The following PCSK2 variants were observed in gnomAD, a reference collection of about 807,000 sequenced individuals.
PCSK2 encodes the protein proprotein convertase subtilisin/kexin type 2, also known as neuroendocrine convertase 2.
PCSK2 carries 14 observed loss-of-function variants against 69.7 expected under a neutral mutation model. The ratio of observed to expected loss-of-function variants is 0.20; its 90% CI spans 0.13 to 0.31. The LOEUF (loss-of-function observed/expected upper bound fraction) is 0.31. Ranked by LOEUF, PCSK2 falls within the 10% of genes least tolerant of loss-of-function variation. The pLI is 1.00. For missense variants in PCSK2, 544 were observed against 842.5 expected, an observed-to-expected ratio of 0.65 and a Z score of 4.39; for synonymous variants, 307 against 320.7, an observed-to-expected ratio of 0.96 and a Z score of 0.46.
intron 1 of PCSK2, among the ~76,000 whole-genome samples, chr20:17,240,886 T>A (rs1399849543): frequency 3.3e-5 from 5 of 152,176 alleles, no homozygotes; most frequent in Non-Finnish European, 7.3e-5. Flanking sequence ...CTGGTTCAAT[T>A]GTATCAACAA....
intron 2 of PCSK2, among the ~76,000 whole-genome samples, chr20:17,319,700 A>G (rs1032222972): frequency 6.6e-6 from 1 of 152,198 alleles, no homozygotes; most frequent in Non-Finnish European, 1.5e-5. Flanking sequence ...GTATAAATCA[A>G]GGACGTTACT....
At chr20:17,410,827 G>A (rs2031855029) in intron 6 of PCSK2, among the ~76,000 whole-genome samples, 1 of 152,248 alleles carries the variant, frequency 6.6e-6, no homozygotes, top group Admixed American at 6.5e-5. Context: ...CCAGGGCACA[G>A]TGCTGAGAAG....
At chr20:17,239,329 T>C (rs983789475) in intron 1 of PCSK2, among the ~76,000 whole-genome samples, 3 of 152,228 alleles carry the variant, frequency 2.0e-5, no homozygotes, top group African/African-American at 7.2e-5. Context: ...CAGCTGACTA[T>C]GTTTCTAGGA....
chr20:17,329,716 C>T (rs1990162808), intron 2 of PCSK2, among the ~76,000 whole-genome samples: 1 of 152,210 alleles, frequency 6.6e-6, no homozygotes, highest in African/African-American at 2.4e-5. Flanking sequence ...CAAAGCGAAG[C>T]ATATTTGCAT....
intron 8 of PCSK2, among the ~76,000 whole-genome samples, chr20:17,438,263 TTTAAG>T: frequency 6.6e-6 from 1 of 152,354 alleles, no homozygotes. Context: ...CACATACACA[TTTAAG>T]TTATGTACAG....
chr20:17,369,943 T>A (rs932638874), intron 5 of PCSK2, among the ~76,000 whole-genome samples: 1 of 152,304 alleles, frequency 6.6e-6, no homozygotes, highest in Middle Eastern at 3.4e-3. Context: ...CCCATAACAT[T>A]GAGAATTACT....
chr20:17,302,919 A>T (rs1209327729), intron 2 of PCSK2, among the ~76,000 whole-genome samples: 1 of 152,074 alleles, frequency 6.6e-6, no homozygotes, highest in East Asian at 1.9e-4. Context: ...TATATTTAAT[A>T]TTACCCTTTT....
chr20:17,238,724 TGGTTTGTTTTTTTACCATTTTACCC>T (rs1986436946), intron 1 of PCSK2, among the ~76,000 whole-genome samples: 1 of 152,190 alleles, frequency 6.6e-6, no homozygotes, highest in Admixed American at 6.5e-5. Flanking sequence ...TGTGCTTTTT[TGGTTTGTTTTTTTACCATTTTACCC>T]GTAGAATTTT....
intron 11 of PCSK2, among the ~76,000 whole-genome samples, 167 bp from the exon 12 acceptor site, chr20:17,481,417 G>GAA (rs2033399638): frequency 8.7e-6 from 1 of 114,946 alleles, no homozygotes; most frequent in African/African-American, 3.7e-5. Flanking sequence ...AAAAAAAAGA[G>GAA]ATAAGTAACT....
chr20:17,318,611 T>C (rs1405862924), intron 2 of PCSK2, among the ~76,000 whole-genome samples: 10 of 152,234 alleles, frequency 6.6e-5, no homozygotes, highest in Non-Finnish European at 1.5e-4. Flanking sequence ...AGTATGTTTG[T>C]CATTTTCCAA....
At chr20:17,449,501 A>G (rs58226667) in intron 8 of PCSK2, among the ~76,000 whole-genome samples, 1 of 72,970 alleles carries the variant, frequency 1.4e-5, no homozygotes, top group Admixed American at 1.2e-4. Flanking sequence ...CATATATATA[A>G]ATATACATAT....
chr20:17,361,310 T>A (rs1485389269), intron 4 of PCSK2, among the ~76,000 whole-genome samples: 1 of 152,232 alleles, frequency 6.6e-6, no homozygotes, highest in Non-Finnish European at 1.5e-5. Flanking sequence ...ATCCCTTACA[T>A]GTTATTCAAC....
chr20:17,311,230 TG>T (rs1219238109), intron 2 of PCSK2, among the ~76,000 whole-genome samples: 2 of 152,134 alleles, frequency 1.3e-5, no homozygotes, highest in African/African-American at 4.8e-5. Flanking sequence ...TATTCTGCAT[TG>T]TAGTAGATTT....
chr20:17,406,500 C>A (rs2031753281), intron 5 of PCSK2, among the ~76,000 whole-genome samples: 1 of 152,190 alleles, frequency 6.6e-6, no homozygotes, highest in Non-Finnish European at 1.5e-5. Flanking sequence ...TGACCCCAGA[C>A]AATACAAGGT....
chr20:17,269,595 A>G (rs1161793714), intron 2 of PCSK2, among the ~76,000 whole-genome samples: 1 of 152,186 alleles, frequency 6.6e-6, no homozygotes, highest in Non-Finnish European at 1.5e-5. Flanking sequence ...ATGAAATTAA[A>G]GGATACTGAT....
At chr20:17,249,747 C>A (rs1221422561) in intron 1 of PCSK2, among the ~76,000 whole-genome samples, 1 of 152,102 alleles carries the variant, frequency 6.6e-6, no homozygotes, top group African/African-American at 2.4e-5. Context: ...CAGGCACCAA[C>A]AGTCAAATAC....
At chr20:17,464,537 G>A (rs1164127536) in intron 10 of PCSK2, 4 of 152,200 alleles carry the variant, frequency 2.6e-5, no homozygotes, top group Non-Finnish European at 1.5e-5. Flanking sequence ...CCAGCACTCA[G>A]AAGCTCCCTG....
At chr20:17,456,226 G>A in intron 9 of PCSK2, 122 bp from the exon 10 acceptor site, 1 of 659,088 alleles carries the variant, frequency 1.5e-6, no homozygotes, top group Non-Finnish European at 2.7e-6. Flanking sequence ...GGGCAACAGA[G>A]TGAGGCTGTC....
chr20:17,408,764 G>A (rs184233184), intron 5 of PCSK2, among the ~76,000 whole-genome samples: 2 of 152,300 alleles, frequency 1.3e-5, no homozygotes, highest in East Asian at 3.9e-4. Flanking sequence ...TGGGCATGGG[G>A]TTTAAAACCC....
Sources: gnomAD v4.1 joint callset for allele counts (sites outside exome capture counted in the v4.1 genomes callset) on GRCh38, gnomAD v4.1.1 for gene constraint, MANE v1.5 for transcripts, NCBI Gene and HGNC (gene_info 2026-07-23, HGNC 2026-07-21) for gene names.